Variants in TPPP observed in about 807,000 individuals in gnomAD.
TPPP encodes tubulin polymerization promoting protein.
In TPPP, 6 loss-of-function variants were observed where a neutral mutation model predicts 15.5. The ratio of observed to expected loss-of-function variants is 0.39; its 90% CI spans 0.21 to 0.77. The LOEUF is 0.77. TPPP is among the 30% of genes least tolerant of loss of function. TPPP has a pLI of 0.42. For synonymous variants in TPPP, 146 were observed against 133.9 expected (o/e 1.09, Z -0.63); for missense variants, 269 against 307.2 (o/e 0.88, Z 0.93).
intron 1 of TPPP, among the ~76,000 whole-genome samples, chr5:682,663 C>T (rs1212271018): frequency 2.0e-5 from 3 of 152,240 alleles, no homozygotes; most frequent in South Asian, 2.1e-4. Context: ...GAGCCTGTAA[C>T]TAGGGCCTGG....
chr5:677,105 C>T (rs527730358), intron 2 of TPPP, among the ~76,000 whole-genome samples: 52 of 152,378 alleles, frequency 3.4e-4, no homozygotes, highest in African/African-American at 1.2e-3. Flanking sequence ...GCAAACGGCA[C>T]GATGCGGTTT....
chr5:672,182 G>T (rs1432869247), intron 2 of TPPP, among the ~76,000 whole-genome samples: 2 of 152,190 alleles, frequency 1.3e-5, no homozygotes, highest in African/African-American at 4.8e-5. Flanking sequence ...CACACTTGGG[G>T]TGACCACAGA....
chr5:675,486 G>GT (rs1479295555), intron 2 of TPPP, among the ~76,000 whole-genome samples: 1 of 141,442 alleles, frequency 7.1e-6, no homozygotes, highest in African/African-American at 2.8e-5. Flanking sequence ...GTGGCCAGGG[G>GT]TACATTGTGG....
chr5:664,870 G>T lies in TPPP; in HGVS notation c.*232C>A. ...TTGGAAATGGCTGAGGACGAGGCAG[G>T]TGTATTAGGAGGGTCAGCGAACTGG... is the stretch of plus-strand genomic sequence containing the variant. On this transcript the variant is annotated 3_prime_UTR_variant, in exon 4 of 4. Coordinates refer to ENST00000360578, the MANE Select transcript of TPPP (RefSeq NM_007030.3). 1.8e-6 allele frequency: 1 copy of T among 557,306 alleles called. No individual in the cohort carries two copies. Among genetic ancestry groups the T allele is most frequent in the South Asian group, 2.3e-5 (1 of 44,328 alleles). 34.5% of individuals were successfully genotyped at this position (557,306 alleles called of 1,614,324 possible). A position where few individuals can be genotyped will look rare whatever the true frequency, so the allele number is the denominator to read the frequency against.
intron 1 of TPPP, among the ~76,000 whole-genome samples, chr5:685,538 G>A (rs1740743282): frequency 6.6e-6 from 1 of 152,248 alleles, no homozygotes; most frequent in Non-Finnish European, 1.5e-5. Context: ...TGCACAAGGA[G>A]CCTTCCGGTA....
chr5:683,998 G>A (rs1242680462), intron 1 of TPPP, among the ~76,000 whole-genome samples: 2 of 152,310 alleles, frequency 1.3e-5, no homozygotes, highest in East Asian at 1.9e-4. Context: ...CTTCAATCCT[G>A]CCCAGAGTCC....
intron 1 of TPPP, among the ~76,000 whole-genome samples, chr5:679,497 C>T (rs192362444): frequency 1.3e-4 from 20 of 151,476 alleles, no homozygotes; most frequent in African/African-American, 4.6e-4. Flanking sequence ...CCAGTTTTAT[C>T]GCTGACACCA....
intron 2 of TPPP, among the ~76,000 whole-genome samples, chr5:669,919 AGACCAGG>A (rs1740147321): frequency 1.3e-5 from 2 of 152,128 alleles, no homozygotes; most frequent in Non-Finnish European, 2.9e-5. Context: ...TGTCCTCCAG[AGACCAGG>A]GTGCTGGAGG....
chr5:696,824 G>T (rs1342062892), upstream of TPPP, among the ~76,000 whole-genome samples: 2 of 131,456 alleles, frequency 1.5e-5, no homozygotes, highest in Admixed American at 7.8e-5. Context: ...GCCGGTGTAT[G>T]TATGTTGGTA....
At chr5:682,058 C>G (rs66892542) in intron 1 of TPPP, among the ~76,000 whole-genome samples, 10,875 of 115,948 alleles carry the variant, frequency 0.094, no homozygotes, top group African/African-American at 0.17. Flanking sequence ...CAGAATGAAT[C>G]TCCTGGGAAA....
intron 3 of TPPP, 138 bp from the exon 4 acceptor site, chr5:665,434 T>C (rs1580071152): frequency 3.9e-6 from 3 of 778,608 alleles, no homozygotes; most frequent in East Asian, 5.4e-5. Context: ...TTTATGCCCC[T>C]TTTAATTCTT....
At chr5:671,844 G>A (rs1034444245) in intron 2 of TPPP, among the ~76,000 whole-genome samples, 2 of 152,226 alleles carry the variant, frequency 1.3e-5, no homozygotes, top group African/African-American at 4.8e-5. Flanking sequence ...GGCACCCACA[G>A]CAATGGAGGG....
At chr5:671,893 C>CG (rs986336131) in intron 2 of TPPP, among the ~76,000 whole-genome samples, 1 of 152,096 alleles carries the variant, frequency 6.6e-6, no homozygotes, top group Non-Finnish European at 1.5e-5. Flanking sequence ...ACCCTTCCCC[C>CG]GGGCTGGGTA....
intron 2 of TPPP, among the ~76,000 whole-genome samples, chr5:673,017 C>T (rs1245616997): frequency 6.6e-6 from 1 of 152,206 alleles, no homozygotes; most frequent in Non-Finnish European, 1.5e-5. Flanking sequence ...AATCGGTAGA[C>T]TTTTTCTCCA....
chr5:683,481 C>T (rs909371388), intron 1 of TPPP, among the ~76,000 whole-genome samples: 2 of 152,230 alleles, frequency 1.3e-5, no homozygotes, highest in Non-Finnish European at 2.9e-5. Flanking sequence ...GGAGAACTCC[C>T]TGTTCAGGGA....
At chr5:686,981 T>C (rs1180439916) in intron 1 of TPPP, among the ~76,000 whole-genome samples, 1 of 141,072 alleles carries the variant, frequency 7.1e-6, no homozygotes, top group East Asian at 2.0e-4. Context: ...GATCTTGGAC[T>C]CTCCAGCCCC....
rs1580084589 is a variant in TPPP, at chr5:673,304, C to T, written c.311+4446G>A. Among the ~76,000 whole-genome samples, 6 of 152,294 alleles carry T rather than the reference C, an allele frequency of 3.9e-5. No individual in the cohort carries two copies. The East Asian group carries it at 9.7e-4, about 25-fold the overall frequency. On this transcript the variant is annotated intron_variant, in intron 2 of 3. Coordinates refer to ENST00000360578, the MANE Select transcript of TPPP (RefSeq NM_007030.3). ...AGTTTTTAGGCCCCTTGCTGCTGTA[C>T]ACCTGGGAGGTCAGGACCCCGTGCC...
chr5:675,668 C>A (rs1250662640), intron 2 of TPPP, among the ~76,000 whole-genome samples: 2 of 151,918 alleles, frequency 1.3e-5, no homozygotes, highest in African/African-American at 2.4e-5. Flanking sequence ...AGGGCTGAGC[C>A]CCAGCCCTTG....
intron 2 of TPPP, among the ~76,000 whole-genome samples, chr5:675,021 CGGGGGAGCAGTG>C (rs1740355994): frequency 2.9e-5 from 2 of 68,634 alleles, no homozygotes; most frequent in African/African-American, 6.1e-5. Flanking sequence ...ACAGTGTGGC[CGGGGGAGCAGTG>C]AGGGGGGTAC....
Sources: allele counts gnomAD v4.1 joint callset (sites outside exome capture counted in the v4.1 genomes callset), GRCh38; gene constraint gnomAD v4.1.1; transcripts MANE v1.5; gene names NCBI Gene and HGNC (gene_info 2026-07-23, HGNC 2026-07-21).